PDZD2: variants seen among roughly 807,000 people sequenced by gnomAD.
PDZD2 encodes the protein PDZ domain containing 2, also known as PDZ domain-containing protein 2.
Under a neutral mutation model 220.7 loss-of-function variants are expected in PDZD2, and 90 were observed. That is an observed-to-expected ratio of 0.41 (90% CI 0.34 to 0.49). The LOEUF (loss-of-function observed/expected upper bound fraction) is 0.49. PDZD2 is among the 20% of genes least tolerant of loss of function. PDZD2 has a pLI of 0.28. For synonymous variants in PDZD2, 1,375 were observed against 1,450.5 expected (o/e 0.95, Z 1.18); for missense variants, 3,174 against 3,608.5 (o/e 0.88, Z 3.08).
intron 2 of PDZD2, among the ~76,000 whole-genome samples, chr5:31,980,469 T>A (rs1363225776): frequency 6.6e-6 from 1 of 152,250 alleles, no homozygotes; most frequent in African/African-American, 2.4e-5. Flanking sequence ...TCAGGTGTGA[T>A]GGAAAACTGT....
At chr5:31,692,693 C>T (rs528259333) in intron 1 of PDZD2, among the ~76,000 whole-genome samples, 4 of 152,290 alleles carry the variant, frequency 2.6e-5, no homozygotes, top group South Asian at 4.1e-4. Flanking sequence ...AGCTGAGGGA[C>T]GTGGACAGTG....
chr5:31,912,306 A>G (rs181511118), intron 2 of PDZD2, among the ~76,000 whole-genome samples: 1 of 152,064 alleles, frequency 6.6e-6, no homozygotes, highest in Admixed American at 6.5e-5. Context: ...TCTCTAGGGT[A>G]TCTTTCATAA....
rs112888663 is a variant in PDZD2 at position 31,928,561 on chromosome 5, C to T, written c.477-54594C>T. On this transcript the variant is annotated intron_variant, in intron 2 of 24. Transcript: ENST00000438447. ...CTCGATCTTGGCTCACTGCAACCTC[C>T]GCCTCCCAGGTTCAAGGGGTTCTCC... Among the ~76,000 whole-genome samples the T allele has an allele frequency of 7.5e-3, 1,143 of 152,146 alleles. 14 individuals carry two copies. The highest frequency in any genetic ancestry group is 0.027 in the African/African-American group (1,104 of 41,500).
chr5:32,088,811 A>C lies in PDZD2; in HGVS notation c.5363A>C (p.Gln1788Pro). ...SESQDLDDLL[Q>P]KPKMIARRPI... ...AGTCAAGACCTGGATGACTTGCTAC[A>C]GAAACCAAAAATGATCGCTAGGAGG... Residue 1788 changes from glutamine to proline, a missense_variant, in exon 20 of 25, where the codon CAG becomes CCG. By Grantham distance (76) the Gln-to-Pro change is moderately conservative (BLOSUM62 -1). This residue lies in a region of PDZD2 where 1,861 missense variants were observed against 2,001.0 expected (regional missense o/e 0.93). Coordinates refer to ENST00000438447, the MANE Select transcript of PDZD2 (RefSeq NM_178140.4). The surrounding 1 kb of genome is among the most constrained non-coding windows in gnomAD (Gnocchi z 4.6). 3 of 1,614,110 alleles carry C rather than the reference A, an allele frequency of 1.9e-6. No individual in the cohort carries two copies. Among genetic ancestry groups the C allele is most frequent in the Non-Finnish European group, 2.5e-6 (3 of 1,179,978 alleles).
intron 2 of PDZD2, among the ~76,000 whole-genome samples, chr5:31,872,455 G>C (rs1188230567): frequency 6.6e-6 from 1 of 152,140 alleles, no homozygotes; most frequent in African/African-American, 2.4e-5. Flanking sequence ...ATTGCCACTA[G>C]GAAACACACA....
rs562774250 is a variant in PDZD2 at position 31,831,381 on chromosome 5, C to T, written c.476+31657C>T. On this transcript the variant is annotated intron_variant, in intron 2 of 24. Transcript: ENST00000438447. ...CTGTAATCCCAGCACTTTGGGAGGC[C>T]GAGGCGGGTGGATCACGAGGTCAAG... is the stretch of plus-strand genomic sequence containing the variant. Among the ~76,000 whole-genome samples the T allele has an allele frequency of 3.6e-3, 553 of 151,878 alleles. 1 individual carries two copies. The highest frequency in any genetic ancestry group is 0.031 in the Middle Eastern group (9 of 292).
chr5:32,019,580 C>T (rs538469666), intron 6 of PDZD2, among the ~76,000 whole-genome samples: 1 of 152,226 alleles, frequency 6.6e-6, no homozygotes, highest in African/African-American at 2.4e-5. Flanking sequence ...TAGGTCTTAC[C>T]GTGTTTTAGA....
chr5:32,076,702 A>G (rs114173003), intron 18 of PDZD2, among the ~76,000 whole-genome samples: 2,730 of 152,324 alleles, frequency 0.018, 37 homozygotes, highest in Middle Eastern at 0.031. Flanking sequence ...TCAGAATGCA[A>G]TATGACCCAC....
chr5:32,088,464 C>T lies in PDZD2; in HGVS notation c.5016C>T (p.Ser1672=). Residue 1672 remains serine, a synonymous_variant, in exon 20 of 25, where the codon AGC becomes AGT. Coordinates refer to ENST00000438447, the MANE Select transcript of PDZD2 (RefSeq NM_178140.4). The surrounding 1 kb of genome is among the most constrained non-coding windows in gnomAD (Gnocchi z 4.6). ...AGCCATCATCACTCTTGGAGATGAG[C>T]TCTCAGGAGCATGAAACTCATGCGG... ...SSQPSSLLEM[S]SQEHETHADI... is the part of the protein sequence containing the mutation. The T allele has an allele frequency of 1.2e-6, 2 of 1,614,014 alleles. No individual in the cohort carries two copies. The highest frequency in any genetic ancestry group is 8.5e-7 in the Non-Finnish European group (1 of 1,179,920).
rs1166838503 is a variant in PDZD2 at position 32,000,783 on chromosome 5, T to C, written c.1254+512T>C. ...CCTCAGCTTCCCAAAGTGCTGGGAT[T>C]ACAGGCGTGAGCCACCATGCCTGGC... is the stretch of plus-strand genomic sequence containing the variant. On this transcript the variant is annotated intron_variant, in intron 5 of 24. Coordinates refer to ENST00000438447, the MANE Select transcript of PDZD2 (RefSeq NM_178140.4). The surrounding 1 kb of genome is among the most constrained non-coding windows in gnomAD (Gnocchi z 4.5). Among the ~76,000 whole-genome samples the C allele has an allele frequency of 1.3e-5, 2 of 152,354 alleles. No individual in the cohort carries two copies. The highest frequency in any genetic ancestry group is 2.9e-5 in the Non-Finnish European group (2 of 68,032).
At position 32,054,312 on chromosome 5, in the gene PDZD2, CTTTTTTT is replaced by C. The variant is rs57135705; in HGVS notation, c.1900+449_1900+455del. On this transcript the variant is annotated intron_variant, in intron 10 of 24. Transcript: ENST00000438447. ...CATAGTCTGGTTCCTAAATGAACAT[CTTTTTTT>C]TTTTTTTTTTTTTTTTTTTAATGAG... 4.1e-3 allele frequency among the ~76,000 whole-genome samples: 287 copies of C among 69,328 alleles called. 5 individuals are homozygous for C. Among genetic ancestry groups the C allele is most frequent in the African/African-American group, 0.014 (251 of 18,486 alleles). The allele number at this position is 69,328 out of a possible 152,430, so 45.5% of individuals were successfully genotyped here.
At chr5:32,097,782 G>A (rs538566486) in intron 22 of PDZD2, among the ~76,000 whole-genome samples, 6 of 152,190 alleles carry the variant, frequency 3.9e-5, no homozygotes, top group East Asian at 1.9e-4. Flanking sequence ...TTCACTGCAC[G>A]AGCCCAGGCC....
chr5:31,659,571 C>T (rs952526169), intron 1 of PDZD2, among the ~76,000 whole-genome samples: 10 of 152,088 alleles, frequency 6.6e-5, no homozygotes, highest in African/African-American at 1.9e-4. Flanking sequence ...CATCCCTCAC[C>T]TCTCTATGGC....
At chr5:31,959,443 C>A (rs184651752) in intron 2 of PDZD2, among the ~76,000 whole-genome samples, 1,553 of 151,990 alleles carry the variant, frequency 0.01, 25 homozygotes, top group Middle Eastern at 0.014. Context: ...ACTGCAACCT[C>A]CTTCTCTTGG....
In PDZD2 at chr5:31,639,422, G is replaced by A. The variant is rs1744848701; in HGVS notation, c.-376G>A. 6.6e-6 allele frequency: 1 copy of A among 151,652 alleles called. No homozygotes were observed. Among genetic ancestry groups the A allele is most frequent in the African/African-American group, 2.4e-5 (1 of 41,392 alleles). The allele number at this position is 151,652 out of a possible 1,614,324, so 9.4% of individuals were successfully genotyped here. The stretch of plus-strand genomic sequence containing the variant: ...GCGCGAGGAAGCCGCGGGAGCCTCG[G>A]CCAAGCCGCGAGCAGGTGAAGCGAC... On this transcript the variant is annotated 5_prime_UTR_variant, in exon 1 of 25. Coordinates refer to ENST00000438447, the MANE Select transcript of PDZD2 (RefSeq NM_178140.4). The surrounding 1 kb of genome is among the most constrained non-coding windows in gnomAD (Gnocchi z 4.1).
At chr5:31,647,187 G>A (rs1474596167) in intron 1 of PDZD2, among the ~76,000 whole-genome samples, 2 of 152,028 alleles carry the variant, frequency 1.3e-5, no homozygotes, top group Admixed American at 6.6e-5. Flanking sequence ...CTCTTCCCCT[G>A]TACTCTTCAG....
chr5:31,766,117 C>T (rs868238356), intron 1 of PDZD2, among the ~76,000 whole-genome samples: 28 of 152,294 alleles, frequency 1.8e-4, no homozygotes, highest in East Asian at 1.9e-4. Context: ...GAGGCTGAGG[C>T]TGCAGTGAGC....
intron 19 of PDZD2, among the ~76,000 whole-genome samples, chr5:32,081,671 A>G (rs1741969144): frequency 6.6e-6 from 1 of 152,208 alleles, no homozygotes. Context: ...GTTATTACAA[A>G]TAGCTGCTTT....
chr5:31,769,102 C>T (rs993377353), intron 1 of PDZD2, among the ~76,000 whole-genome samples: 5 of 152,228 alleles, frequency 3.3e-5, no homozygotes, highest in African/African-American at 1.2e-4. Context: ...ATCCACATCC[C>T]TGCATTGCCG....
Sources: allele counts gnomAD v4.1 joint callset (sites outside exome capture counted in the v4.1 genomes callset), GRCh38; gene constraint gnomAD v4.1.1; regional missense constraint gnomAD v4.1.1; non-coding constraint Gnocchi (gnomAD v3.1); transcripts MANE v1.5; gene names NCBI Gene and HGNC (gene_info 2026-07-23, HGNC 2026-07-21).